The following DPY19L1 variants were observed in gnomAD, a reference collection of about 807,000 sequenced individuals.
DPY19L1 encodes protein C-mannosyl-transferase DPY19L1.
A neutral mutation model predicts 96.9 loss-of-function variants in DPY19L1; 35 were observed. The ratio of observed to expected loss-of-function variants is 0.36; its 90% CI spans 0.28 to 0.48. The LOEUF (loss-of-function observed/expected upper bound fraction) is 0.48, where lower values mean the gene tolerates loss of function less well. DPY19L1 is among the 20% of genes least tolerant of loss of function. The probability of loss-of-function intolerance (pLI) is 0.99; values close to 1 mark genes in which losing one functional copy is unlikely to be tolerated. For synonymous variants in DPY19L1, 205 were observed against 252.6 expected (o/e 0.81, Z 1.79); for missense variants, 521 against 777.9 (o/e 0.67, Z 3.93).
intron 16 of DPY19L1, among the ~76,000 whole-genome samples, chr7:34,944,532 C>T (rs973974700): frequency 5.3e-5 from 8 of 152,092 alleles, no homozygotes; most frequent in East Asian, 1.9e-4. Flanking sequence ...TTTATCTTTC[C>T]GGATCATTTC....
At chr7:35,025,708 A>T (rs1396143063) in intron 1 of DPY19L1, among the ~76,000 whole-genome samples, 1 of 152,240 alleles carries the variant, frequency 6.6e-6, no homozygotes, top group Non-Finnish European at 1.5e-5. Flanking sequence ...TTATATACAC[A>T]GTACATCAGG....
intron 6 of DPY19L1, among the ~76,000 whole-genome samples, chr7:34,994,914 C>T (rs1287382147): frequency 6.6e-6 from 1 of 152,104 alleles, no homozygotes; most frequent in Non-Finnish European, 1.5e-5. Flanking sequence ...TGAGGTTGGA[C>T]AATTTCCTGA....
At chr7:34,991,997 C>T (rs1179471076) in intron 6 of DPY19L1, among the ~76,000 whole-genome samples, 1 of 152,154 alleles carries the variant, frequency 6.6e-6, no homozygotes, top group Non-Finnish European at 1.5e-5. Flanking sequence ...TAAACATCCT[C>T]GTACATGTAA....
chr7:34,977,898 T>C (rs1336702182), intron 7 of DPY19L1, among the ~76,000 whole-genome samples: 3 of 152,148 alleles, frequency 2.0e-5, no homozygotes, highest in Non-Finnish European at 4.4e-5. Context: ...ATAAAAATCT[T>C]ATGTTGCACA....
At chr7:35,013,468 CA>C in intron 4 of DPY19L1, 99 bp downstream of exon 4, 1 of 879,210 alleles carries the variant, frequency 1.1e-6, no homozygotes, top group Non-Finnish European at 1.7e-6. Context: ...AAATTAAATA[CA>C]ATTTAATATA....
chr7:35,028,673 A>G (rs1210047221), intron 1 of DPY19L1, among the ~76,000 whole-genome samples: 1 of 152,212 alleles, frequency 6.6e-6, no homozygotes, highest in Non-Finnish European at 1.5e-5. Context: ...GTAAAGGAAT[A>G]AAGAATGGCT....
At chr7:35,022,691 A>T (rs772886529) in intron 1 of DPY19L1, among the ~76,000 whole-genome samples, 2 of 152,220 alleles carry the variant, frequency 1.3e-5, no homozygotes, top group Admixed American at 1.3e-4. Flanking sequence ...TTAATGCATA[A>T]AGCTTGATAT....
At chr7:34,945,594 CAATT>C (rs1166099055) in intron 16 of DPY19L1, 69 bp downstream of exon 16, 236 of 1,065,330 alleles carry the variant, frequency 2.2e-4, no homozygotes, top group South Asian at 2.4e-4. Flanking sequence ...TGTAAGTATA[CAATT>C]AATACACTGT....
At chr7:34,984,999 G>C (rs903521463) in intron 7 of DPY19L1, among the ~76,000 whole-genome samples, 1 of 152,050 alleles carries the variant, frequency 6.6e-6, no homozygotes, top group Non-Finnish European at 1.5e-5. Context: ...AAAAGTACCT[G>C]GGAAGAAGGG....
intron 1 of DPY19L1, among the ~76,000 whole-genome samples, chr7:35,026,436 C>T (rs1345446280): frequency 6.6e-6 from 1 of 152,124 alleles, no homozygotes; most frequent in East Asian, 1.9e-4. Flanking sequence ...GGTGATTGTG[C>T]AACCAAGGTA....
chr7:34,957,192 G>A (rs931787578), intron 11 of DPY19L1, among the ~76,000 whole-genome samples: 2 of 151,824 alleles, frequency 1.3e-5, no homozygotes, highest in Non-Finnish European at 2.9e-5. Context: ...AGACCAGCCT[G>A]ACCAACATGG....
chr7:34,966,801 T>C (rs1452327490), intron 10 of DPY19L1, 93 bp downstream of exon 10: 2 of 1,163,884 alleles, frequency 1.7e-6, no homozygotes, highest in African/African-American at 1.6e-5. Context: ...AGTTATGAAA[T>C]TGTTACAACT....
Position 34,969,426 on chromosome 7 carries a change from AC to A in DPY19L1, c.1014+6del. 1 of 1,468,464 alleles carries A rather than the reference AC, an allele frequency of 6.8e-7. No individual in the cohort carries two copies. Among genetic ancestry groups the A allele is most frequent in the African/African-American group, 1.4e-5 (1 of 69,476 alleles). 91.0% of individuals were successfully genotyped at this position (1,468,464 alleles called of 1,614,324 possible). A position where few individuals can be genotyped will look rare whatever the true frequency, so the allele number is the denominator to read the frequency against. On this transcript the variant is annotated splice_donor_region_variant and intron_variant, in intron 9 of 21. Transcript: ENST00000638088. ...GCTTAAAACAGCTTAAAATATAATCACCTCACCTGAGTAAGAAGTACAAACT... is the reference window on the plus strand; with the variant it reads ...GCTTAAAACAGCTTAAAATATAATCACTCACCTGAGTAAGAAGTACAAACT...
Position 35,037,455 on chromosome 7 carries a change from T to TGGCTGGGC in DPY19L1, c.-69_-62dup, listed in dbSNP as rs1382725383. The TGGCTGGGC allele has an allele frequency of 2.3e-5, 7 of 307,968 alleles. No individual in the cohort carries two copies. The highest frequency in any genetic ancestry group is 8.9e-4 in the Middle Eastern group (1 of 1,122). 19.1% of individuals were successfully genotyped at this position (307,968 alleles called of 1,614,324 possible). ...GGACGGCGGCCAGAGAACGGCGGGC[T>TGGCTGGGC]GGCTGGGCGGCTGGGCGCAGCTCAC... On this transcript the variant is annotated 5_prime_UTR_variant, in exon 1 of 22. Coordinates refer to ENST00000638088, the MANE Select transcript of DPY19L1 (RefSeq NM_001366673.1).
intron 13 of DPY19L1, among the ~76,000 whole-genome samples, chr7:34,951,515 CAAAT>C (rs1784265481): frequency 6.6e-6 from 1 of 151,846 alleles, no homozygotes; most frequent in Non-Finnish European, 1.5e-5. Flanking sequence ...TAAAAAATCA[CAAAT>C]AGACAATCTA....
At chr7:34,997,916 G>C (rs2023144) in intron 6 of DPY19L1, among the ~76,000 whole-genome samples, 2 of 151,900 alleles carry the variant, frequency 1.3e-5, no homozygotes, top group Non-Finnish European at 2.9e-5. Flanking sequence ...GTTGGATCAC[G>C]GGAAGAGAAG....
chr7:34,967,556 G>A (rs779762296), intron 9 of DPY19L1, among the ~76,000 whole-genome samples: 1 of 151,984 alleles, frequency 6.6e-6, no homozygotes, highest in Non-Finnish European at 1.5e-5. Context: ...GAAGAAAATT[G>A]TATGTTATAT....
chr7:34,942,852 T>A (rs1784053712), intron 16 of DPY19L1, among the ~76,000 whole-genome samples: 1 of 152,220 alleles, frequency 6.6e-6, no homozygotes, highest in Non-Finnish European at 1.5e-5. Flanking sequence ...TTGTATTATA[T>A]CCTATTTGAC....
At chr7:35,022,232 G>C (rs1428795622) in intron 1 of DPY19L1, among the ~76,000 whole-genome samples, 1 of 151,882 alleles carries the variant, frequency 6.6e-6, no homozygotes, top group Non-Finnish European at 1.5e-5. Context: ...AAGGAACCAA[G>C]ATAAATATGG....
Sources: allele counts gnomAD v4.1 joint callset (sites outside exome capture counted in the v4.1 genomes callset), GRCh38; gene constraint gnomAD v4.1.1; transcripts MANE v1.5; gene names NCBI Gene and HGNC (gene_info 2026-07-23, HGNC 2026-07-21).